Variants in ZNHIT6 observed in about 807,000 individuals in gnomAD.
The protein encoded by ZNHIT6 is box C/D snoRNA protein 1.
Under a neutral mutation model 57.2 loss-of-function variants are expected in ZNHIT6, and 45 were observed. That is an observed-to-expected ratio of 0.79 (90% confidence interval 0.62 to 1.01). The LOEUF (loss-of-function observed/expected upper bound fraction) is 1.01, where lower values mean the gene tolerates loss of function less well. Among genes scored for constraint, ZNHIT6 ranks in the 50% least tolerant of loss-of-function variants. The probability of loss-of-function intolerance (pLI) is 0.00; values close to 1 mark genes in which losing one functional copy is unlikely to be tolerated. For synonymous variants in ZNHIT6, 188 were observed against 190.0 expected, an observed-to-expected ratio of 0.99 and a Z score of 0.09; for missense variants, 528 against 567.3, an observed-to-expected ratio of 0.93 and a Z score of 0.70.
intron 5 of ZNHIT6, among the ~76,000 whole-genome samples, chr1:85,695,051 CTCAGGAGA>C (rs1166018975): frequency 2.0e-5 from 3 of 152,002 alleles, no homozygotes; most frequent in Non-Finnish European, 4.4e-5. Context: ...ACTGCCTGAG[CTCAGGAGA>C]TCAAGACCAC....
At chr1:85,690,800 C>T (rs1462193823) in intron 5 of ZNHIT6, among the ~76,000 whole-genome samples, 20 of 152,142 alleles carry the variant, frequency 1.3e-4, no homozygotes, top group Admixed American at 1.1e-3. Context: ...CTGAGGCGAG[C>T]GGATCACTTG....
intron 8 of ZNHIT6, among the ~76,000 whole-genome samples, chr1:85,667,329 T>C (rs1661395682): frequency 6.6e-6 from 1 of 152,148 alleles, no homozygotes; most frequent in African/African-American, 2.4e-5. Context: ...AGATACATAT[T>C]AGCCCCCAGA....
At chr1:85,668,102 TGTAAA>T (rs767674890) in intron 8 of ZNHIT6, among the ~76,000 whole-genome samples, 1 of 150,306 alleles carries the variant, frequency 6.7e-6, no homozygotes, top group Non-Finnish European at 1.5e-5. Context: ...AAAAATGTAA[TGTAAA>T]GTAAAATTTA....
chr1:85,678,469 G>A (rs1661769647), intron 7 of ZNHIT6, among the ~76,000 whole-genome samples: 1 of 152,120 alleles, frequency 6.6e-6, no homozygotes, highest in Non-Finnish European at 1.5e-5. Flanking sequence ...CAGAGTTATT[G>A]TGAGGATTAA....
chr1:85,669,851 A>C (rs565550054), intron 8 of ZNHIT6, among the ~76,000 whole-genome samples: 30 of 152,220 alleles, frequency 2.0e-4, no homozygotes, highest in African/African-American at 7.0e-4. Flanking sequence ...TAGCTCTTTG[A>C]GGGCTAGTCT....
At position 85,707,672 on chromosome 1, in the gene ZNHIT6, T is replaced by A. The variant is rs1662727266; in HGVS notation, c.613A>T (p.Ile205Leu). The change falls in exon 1 of 10, where the codon ATA becomes TTA. Residue 205 changes from isoleucine to leucine, a missense_variant. By Grantham distance (5) the Ile-to-Leu change is conservative. Transcript: ENST00000370574. ...DDTKVKEEPP[I>L]NHPVGCKRKL... ...CGCTTGCAGCCCACCGGGTGATTTATCGGAGGCTCTTCTTTCACCTTTGTA... is the reference window on the plus strand; with the variant it reads ...CGCTTGCAGCCCACCGGGTGATTTAACGGAGGCTCTTCTTTCACCTTTGTA... The A allele has an allele frequency of 6.4e-7, 1 of 1,569,852 alleles. No individual in the cohort carries two copies. The highest frequency in any genetic ancestry group is 8.6e-7 in the Non-Finnish European group (1 of 1,162,070).
intron 8 of ZNHIT6, among the ~76,000 whole-genome samples, chr1:85,676,973 GAACA>G (rs1023143201): frequency 6.6e-6 from 1 of 152,070 alleles, no homozygotes; most frequent in African/African-American, 2.4e-5. Context: ...AACCACAATA[GAACA>G]AATAAAAGAA....
At chr1:85,701,906 C>T (rs983640623) in intron 5 of ZNHIT6, among the ~76,000 whole-genome samples, 7 of 151,520 alleles carry the variant, frequency 4.6e-5, no homozygotes, top group African/African-American at 1.7e-4. Flanking sequence ...CTGGTATGCA[C>T]ATTAATGTTT....
At chr1:85,654,215 A>G (rs2274738) in intron 9 of ZNHIT6, 117 bp from the exon 10 acceptor site, 190,156 of 734,230 alleles carry the variant, frequency 0.26, 26,285 homozygotes, top group Non-Finnish European at 0.29. Flanking sequence ...ACAGGGACAC[A>G]CAAACCGCGT....
chr1:85,676,709 C>T (rs1193274868), intron 8 of ZNHIT6, among the ~76,000 whole-genome samples: 12 of 152,030 alleles, frequency 7.9e-5, no homozygotes. Context: ...TTTAAGGCTG[C>T]CACCTTATAT....
Position 85,654,130 on chromosome 1 carries a change from T to C in ZNHIT6, c.1373-32A>G, listed in dbSNP as rs913760113. ...AAAAATAAGTAAACATACAGTCAAGTGTTTATATTTTTCTGTTTAGGTTGC... is the reference window on the plus strand; with the variant it reads ...AAAAATAAGTAAACATACAGTCAAGCGTTTATATTTTTCTGTTTAGGTTGC... On this transcript the variant is annotated intron_variant, in intron 9 of 9. Transcript: ENST00000370574. 1.9e-6 allele frequency: 3 copies of C among 1,596,252 alleles called. No homozygotes were observed. The African/African-American group carries it at 4.0e-5, about 21-fold the overall frequency.
At position 85,687,299 on chromosome 1, in the gene ZNHIT6, CA is replaced by C. The variant is rs55889012; in HGVS notation, c.1020-6396del. Among the ~76,000 whole-genome samples the C allele has an allele frequency of 1.2e-4, 9 of 77,942 alleles. 2 individuals are homozygous for C. The highest frequency in any genetic ancestry group is 3.8e-4 in the African/African-American group (8 of 20,824). The allele number at this position is 77,942 out of a possible 152,430, so 51.1% of individuals were successfully genotyped here. ...ACTATCTCAAAAAACAAAAAAAAAA[CA>C]AAAAAAAAAAACAATTTAGAACCCA... On this transcript the variant is annotated intron_variant, in intron 5 of 9. Transcript: ENST00000370574.
At chr1:85,656,888 G>C (rs1323082556) in intron 9 of ZNHIT6, among the ~76,000 whole-genome samples, 1 of 151,960 alleles carries the variant, frequency 6.6e-6, no homozygotes, top group African/African-American at 2.4e-5. Flanking sequence ...TTACAATATA[G>C]GTTACTGCAT....
rs116984455 is a variant in ZNHIT6 at position 85,680,453 on chromosome 1, G to A, written c.1088+383C>T. On this transcript the variant is annotated intron_variant, in intron 6 of 9. Coordinates refer to ENST00000370574, the MANE Select transcript of ZNHIT6 (RefSeq NM_017953.4). The stretch of plus-strand genomic sequence containing the variant: ...AACTTTCAGCCGTCTAATTCTCCTC[G>A]GATCCCTCTCCTCAATACTTGCTTT... 7.9e-4 allele frequency among the ~76,000 whole-genome samples: 120 copies of A among 152,118 alleles called. 2 individuals carry two copies. The East Asian group carries it at 0.017, about 22-fold the overall frequency.
intron 8 of ZNHIT6, among the ~76,000 whole-genome samples, chr1:85,663,011 A>C (rs1011543707): frequency 6.6e-6 from 1 of 152,180 alleles, no homozygotes; most frequent in African/African-American, 2.4e-5. Flanking sequence ...AAATTCAATT[A>C]CTTTTAAATC....
At chr1:85,700,200 C>T (rs1662488925) in intron 5 of ZNHIT6, among the ~76,000 whole-genome samples, 1 of 152,076 alleles carries the variant, frequency 6.6e-6, no homozygotes, top group African/African-American at 2.4e-5. Context: ...ACAATAGCTA[C>T]TATAAACTGA....
intron 1 of ZNHIT6, among the ~76,000 whole-genome samples, chr1:85,706,727 T>A (rs892825973): frequency 2.6e-5 from 4 of 152,306 alleles, no homozygotes; most frequent in Admixed American, 2.6e-4. Flanking sequence ...TGTATTAAAA[T>A]TTTTAAAACC....
At chr1:85,680,135 G>A (rs1661829361) in intron 6 of ZNHIT6, among the ~76,000 whole-genome samples, 1 of 152,190 alleles carries the variant, frequency 6.6e-6, no homozygotes, top group Non-Finnish European at 1.5e-5. Context: ...AGCCCAGGAG[G>A]TTGAAGCTGC....
In ZNHIT6 at chr1:85,706,427, A is replaced by C. The variant is rs775947052; in HGVS notation, c.722+15T>G. 1.2e-6 allele frequency: 2 copies of C among 1,613,342 alleles called. No individual in the cohort carries two copies. Among genetic ancestry groups the C allele is most frequent in the Non-Finnish European group, 1.7e-6 (2 of 1,179,758 alleles). On this transcript the variant is annotated intron_variant, in intron 2 of 9. Coordinates refer to ENST00000370574, the MANE Select transcript of ZNHIT6 (RefSeq NM_017953.4). ...GTACAGATACAGGTTAAAAGGTAGG[A>C]AGTTACATGTATACCTGCAGGAATA...
Sources: gnomAD v4.1 joint callset for allele counts (sites outside exome capture counted in the v4.1 genomes callset) on GRCh38, gnomAD v4.1.1 for gene constraint, MANE v1.5 for transcripts, NCBI Gene and HGNC (gene_info 2026-07-23, HGNC 2026-07-21) for gene names.